The following PALLD variants were observed in gnomAD, a reference collection of about 807,000 sequenced individuals.
PALLD encodes palladin.
Under a neutral mutation model 123.5 loss-of-function variants are expected in PALLD, and 61 were observed. The ratio of observed to expected loss-of-function variants is 0.49; its 90% CI spans 0.40 to 0.61. PALLD has a LOEUF of 0.61. PALLD is among the 20% of genes least tolerant of loss of function. The probability of loss-of-function intolerance (pLI) is 0.00; values close to 1 mark genes in which losing one functional copy is unlikely to be tolerated. For missense variants in PALLD, 1,273 were observed against 1,377.0 expected (o/e 0.92, Z 1.20); for synonymous variants, 465 against 496.4 (o/e 0.94, Z 0.84).
intron 10 of PALLD, among the ~76,000 whole-genome samples, chr4:168,882,187 C>A (rs1235207558): frequency 6.6e-6 from 1 of 152,188 alleles, no homozygotes; most frequent in African/African-American, 2.4e-5. Flanking sequence ...TATAGGCCCA[C>A]AGCTCCTTAT....
At chr4:168,601,422 C>T (rs963798906) in intron 2 of PALLD, among the ~76,000 whole-genome samples, 4 of 152,060 alleles carry the variant, frequency 2.6e-5, no homozygotes, top group Non-Finnish European at 5.9e-5. Flanking sequence ...CCATGAATAG[C>T]CTGTTAGAGA....
chr4:168,594,204 G>A (rs1771745771), intron 2 of PALLD, among the ~76,000 whole-genome samples: 1 of 152,180 alleles, frequency 6.6e-6, no homozygotes, highest in Non-Finnish European at 1.5e-5. Context: ...GGAAGGTAAG[G>A]AGATGGTTAA....
chr4:168,910,618 G>A (rs886626155), intron 15 of PALLD, among the ~76,000 whole-genome samples: 4 of 151,994 alleles, frequency 2.6e-5, no homozygotes, highest in Non-Finnish European at 4.4e-5. Context: ...AATGCTGCCC[G>A]GTGCTTTACA....
At chr4:168,795,506 C>T (rs1034395386) in intron 10 of PALLD, among the ~76,000 whole-genome samples, 2 of 151,994 alleles carry the variant, frequency 1.3e-5, no homozygotes, top group East Asian at 3.8e-4. Context: ...TGAGGTTTTC[C>T]AGTTGTCCAC....
At chr4:168,631,843 A>G (rs2149830520) in intron 2 of PALLD, 1 of 985,514 alleles carries the variant, frequency 1.0e-6, no homozygotes, top group Non-Finnish European at 1.2e-6. Context: ...GAGATCTGAA[A>G]GACCCCCAAG....
At chr4:168,793,986 G>A (rs1478202249) in intron 10 of PALLD, among the ~76,000 whole-genome samples, 8 of 152,168 alleles carry the variant, frequency 5.3e-5, no homozygotes, top group Non-Finnish European at 1.2e-4. Flanking sequence ...TATCCACCGG[G>A]GAGGCACAGG....
At chr4:168,657,081 G>T (rs1164420607) in intron 2 of PALLD, among the ~76,000 whole-genome samples, 1 of 152,218 alleles carries the variant, frequency 6.6e-6, no homozygotes, top group South Asian at 2.1e-4. Flanking sequence ...CATAGAGCCA[G>T]ATGAGGTTTT....
intron 1 of PALLD, among the ~76,000 whole-genome samples, chr4:168,510,620 A>AT (rs2149424129): frequency 1.3e-5 from 2 of 152,334 alleles, no homozygotes; most frequent in South Asian, 4.1e-4. Flanking sequence ...TGTTTTTCTC[A>AT]TTTTAAAACT....
rs527309391 is a variant in PALLD at position 168,736,348 on chromosome 4, C to T, written c.1964+24425C>T. On this transcript the variant is annotated intron_variant, in intron 10 of 21. Transcript: ENST00000505667. ...TAGGCCTGGGTCAGTAGCTCAGAAA[C>T]ATCAGAATGCATTTGAAGGCTTTAG... 4.6e-5 allele frequency among the ~76,000 whole-genome samples: 7 copies of T among 152,286 alleles called. No homozygotes were observed. The East Asian group carries it at 1.3e-3, about 29-fold the overall frequency.
At position 168,690,700 on chromosome 4, in the gene PALLD, G is replaced by A. The variant is rs201816881; in HGVS notation, c.1433G>A (p.Gly478Glu). 1.2e-4 allele frequency: 186 copies of A among 1,614,018 alleles called. No homozygotes were observed. The highest frequency in any genetic ancestry group is 1.5e-4 in the Non-Finnish European group (182 of 1,180,036). The change falls in exon 7 of 22, where the codon GGG becomes GAG. Residue 478 changes from glycine to glutamate, a missense_variant. Coordinates refer to ENST00000505667, the MANE Select transcript of PALLD (RefSeq NM_001166108.2). The part of the protein sequence containing the change: ...PPLQVQWFRQ[G>E]SEIQDSPDFR... The stretch of plus-strand genomic sequence containing the variant: ...CTGCAGGTCCAGTGGTTTCGGCAAG[G>A]GAGTGAAATCCAAGACTCTCCAGAT...
chr4:168,787,802 G>C (rs931273096), intron 10 of PALLD, among the ~76,000 whole-genome samples: 1 of 152,022 alleles, frequency 6.6e-6, no homozygotes, highest in Non-Finnish European at 1.5e-5. Context: ...CCTAGCTCTC[G>C]AAGCAATAAG....
intron 2 of PALLD, among the ~76,000 whole-genome samples, chr4:168,576,264 T>G (rs1257001746): frequency 6.6e-6 from 1 of 151,938 alleles, no homozygotes; most frequent in Non-Finnish European, 1.5e-5. Flanking sequence ...TACTTTGAGT[T>G]TTAGGGAACA....
At chr4:168,613,606 G>C (rs1773940950) in intron 2 of PALLD, among the ~76,000 whole-genome samples, 1 of 152,182 alleles carries the variant, frequency 6.6e-6, no homozygotes, top group African/African-American at 2.4e-5. Context: ...TTTATATTGA[G>C]AGGAAAGTAG....
At chr4:168,546,886 C>T (rs1219628485) in intron 2 of PALLD, among the ~76,000 whole-genome samples, 1 of 152,184 alleles carries the variant, frequency 6.6e-6, no homozygotes. Context: ...CCATCACATG[C>T]TGATCTCATA....
intron 10 of PALLD, among the ~76,000 whole-genome samples, chr4:168,827,029 C>T (rs1165125561): frequency 5.3e-5 from 8 of 152,172 alleles, no homozygotes; most frequent in Admixed American, 4.6e-4. Context: ...TTTATCGTAG[C>T]GTGGCCTTTC....
At chr4:168,856,520 G>T (rs973973256) in intron 10 of PALLD, among the ~76,000 whole-genome samples, 1 of 152,112 alleles carries the variant, frequency 6.6e-6, no homozygotes, top group African/African-American at 2.4e-5. Context: ...TTGTTTTGAC[G>T]TTGTAGTAAT....
intron 10 of PALLD, among the ~76,000 whole-genome samples, chr4:168,866,549 T>G (rs1187831422): frequency 6.6e-6 from 1 of 152,220 alleles, no homozygotes; most frequent in Non-Finnish European, 1.5e-5. Flanking sequence ...TGGTTTCATC[T>G]TCCTGTTCAC....
intron 10 of PALLD, among the ~76,000 whole-genome samples, chr4:168,839,632 T>G (rs944859253): frequency 2.6e-5 from 4 of 151,940 alleles, no homozygotes; most frequent in Admixed American, 2.6e-4. Flanking sequence ...CAGAGGTTAC[T>G]CCCAGGGCTC....
intron 1 of PALLD, among the ~76,000 whole-genome samples, chr4:168,508,685 C>G (rs1483107889): frequency 6.6e-6 from 1 of 152,164 alleles, no homozygotes; most frequent in East Asian, 1.9e-4. Context: ...AACACAGTAG[C>G]TTTCTTTCAA....
Sources: allele counts gnomAD v4.1 joint callset (sites outside exome capture counted in the v4.1 genomes callset), GRCh38; gene constraint gnomAD v4.1.1; transcripts MANE v1.5; gene names NCBI Gene and HGNC (gene_info 2026-07-23, HGNC 2026-07-21).